Variants in NT5DC2 observed in about 807,000 individuals in gnomAD.
The protein encoded by NT5DC2 is 5'-nucleotidase domain-containing protein 2.
A neutral mutation model predicts 70.0 loss-of-function variants in NT5DC2; 41 were observed. That is an observed-to-expected ratio of 0.59 (90% CI 0.46 to 0.76). The LOEUF is 0.76. NT5DC2 is among the 30% of genes least tolerant of loss of function. The pLI is 0.00. For synonymous variants in NT5DC2, 299 were observed against 310.4 expected, an observed-to-expected ratio of 0.96 and a Z score of 0.39; for missense variants, 705 against 783.2, an observed-to-expected ratio of 0.90 and a Z score of 1.19.
At position 52,528,501 on chromosome 3, in the gene NT5DC2, A is replaced by G. The variant is rs779786736; in HGVS notation, c.587T>C (p.Leu196Pro). The change falls in exon 5 of 14, where the codon CTG (leucine) becomes CCG (proline). Residue 196 changes from leucine to proline, a missense_variant. Physicochemically the swap from Leu to Pro is moderately conservative, Grantham distance 98. Transcript: ENST00000422318. ...QPVPDEEVIE[L>P]YGGTQHIPLY... ...TGGGATGTGCTGGGTACCCCCATAC[A>G]GCTCAATCACCTCCTCGTCTGGCAC... 1.1e-5 allele frequency: 18 copies of G among 1,613,232 alleles called. No homozygotes were observed. Among genetic ancestry groups the G allele is most frequent in the Non-Finnish European group, 1.5e-5 (18 of 1,179,966 alleles).
At position 52,527,634 on chromosome 3, in the gene NT5DC2, G is replaced by A; in HGVS notation, c.1020C>T (p.Phe340=). The change falls in exon 9 of 14, where the codon TTC becomes TTT. Residue 340 remains phenylalanine, a synonymous_variant. Coordinates refer to ENST00000422318, the MANE Select transcript of NT5DC2 (RefSeq NM_001134231.2). Reference sequence around the variant, plus strand: ...GCCCATACTTGCGCCGGTCAGTGAAGAAGCTGGGCTTGTCTGCCTGGACAA... The same window carrying A: ...GCCCATACTTGCGCCGGTCAGTGAAAAAGCTGGGCTTGTCTGCCTGGACAA... ...VVIVQADKPS[F]FTDRRKPFRK... The A allele has an allele frequency of 6.2e-7, 1 of 1,613,052 alleles. No individual in the cohort carries two copies. Among genetic ancestry groups the A allele is most frequent in the South Asian group, 1.1e-5 (1 of 91,078 alleles).
In NT5DC2 at chr3:52,524,434, G is replaced by C. The variant is rs1039223621; in HGVS notation, c.*36C>G. 6.2e-7 allele frequency: 1 copy of C among 1,611,996 alleles called. No homozygotes were observed. Among genetic ancestry groups the C allele is most frequent in the Non-Finnish European group, 8.5e-7 (1 of 1,179,264 alleles). ...GCTTGTCTGGGTGGATGGGGCAGGA[G>C]GGGCTGAGGGCCTGTCCCAGACAAT... On this transcript the variant is annotated 3_prime_UTR_variant, in exon 14 of 14. Transcript: ENST00000422318.
At chr3:52,534,518 A>G (rs143685847), upstream of NT5DC2, 948 of 1,612,954 alleles carry the variant, frequency 5.9e-4, 5 homozygotes, top group African/African-American at 0.011. Flanking sequence ...GACCTCGGCA[A>G]CTGGCCGCAC....
chr3:52,529,442 C>T lies in NT5DC2; in HGVS notation c.233-108G>A. ...CTAGCCCTGTGAGCCTCAGAAACGC[C>T]CCACAATGGCACCTCTTATTCCAGT... On this transcript the variant is annotated intron_variant, in intron 1 of 13. Transcript: ENST00000422318. The surrounding 1 kb of genome is among the most constrained non-coding windows in gnomAD (Gnocchi z 4.1). 2.0e-6 allele frequency: 2 copies of T among 996,520 alleles called. No homozygotes were observed. Among genetic ancestry groups the T allele is most frequent in the Middle Eastern group, 2.9e-4 (1 of 3,478 alleles). The allele number at this position is 996,520 out of a possible 1,614,324, so 61.7% of individuals were successfully genotyped here. A position where few individuals can be genotyped will look rare whatever the true frequency, so the allele number is the denominator to read the frequency against.
At position 52,528,308 on chromosome 3, in the gene NT5DC2, G is replaced by C. The variant is rs1331117160; in HGVS notation, c.646C>G (p.Pro216Ala). ...YQMSGFYGKG[P>A]SIKQFMDIFS... is the part of the protein sequence containing the mutation. ...ATGTCCATGAACTGCTTAATGGAGG[G>C]ACCCTGGGGAGGGGGCCATTGTCTC... is the stretch of plus-strand genomic sequence containing the variant. Residue 216 changes from proline to alanine, a missense_variant, in exon 6 of 14, where the codon CCC (proline) becomes GCC (alanine). Pro to Ala is a conservative substitution (Grantham distance 27). Coordinates refer to ENST00000422318, the MANE Select transcript of NT5DC2 (RefSeq NM_001134231.2). The C allele has an allele frequency of 1.2e-6, 2 of 1,613,096 alleles. No homozygotes were observed. The highest frequency in any genetic ancestry group is 1.7e-6 in the Non-Finnish European group (2 of 1,180,042).
intron 1 of NT5DC2, chr3:52,532,254 G>A (rs1435775703): frequency 3.0e-6 from 3 of 985,462 alleles, no homozygotes; most frequent in South Asian, 9.4e-5. Flanking sequence ...AGGCCCAGGA[G>A]GACAATGTCC....
Position 52,528,017 on chromosome 3 carries a change from G to A in NT5DC2, c.828C>T (p.Asp276=). The change falls in exon 7 of 14, where the codon GAC becomes GAT. Residue 276 remains aspartate, a synonymous_variant. Transcript: ENST00000422318. ...AGGGCTTCTGTCCACACTTACCCAT[G>A]TCCTGCTCGATCCACTGGTACATGA... ...KGLMYQWIEQ[D]MEKYILRGDE... The A allele has an allele frequency of 6.2e-7, 1 of 1,612,258 alleles. No homozygotes were observed. Among genetic ancestry groups the A allele is most frequent in the Non-Finnish European group, 8.5e-7 (1 of 1,179,546 alleles).
In NT5DC2 at chr3:52,531,996, T is replaced by G. The variant is rs1257007610; in HGVS notation, c.232+1510A>C. 6.6e-6 allele frequency among the ~76,000 whole-genome samples: 1 copy of G among 151,984 alleles called. No homozygotes were observed. Among genetic ancestry groups the G allele is most frequent in the Non-Finnish European group, 1.5e-5 (1 of 67,988 alleles). ...ACCATTCAAGTCACCCCACCTGCAT[T>G]AATCACTCTGCCTCTCAGCCTAGCC... is the stretch of plus-strand genomic sequence containing the variant. On this transcript the variant is annotated intron_variant, in intron 1 of 13. Coordinates refer to ENST00000422318, the MANE Select transcript of NT5DC2 (RefSeq NM_001134231.2). This position sits in a 1 kb window ranked among gnomAD's most constrained non-coding sequence, Gnocchi z 4.1.
rs911992465 is a variant in NT5DC2 at position 52,531,209 on chromosome 3, G to A, written c.233-1875C>T. Among the ~76,000 whole-genome samples the A allele has an allele frequency of 3.3e-5, 5 of 152,232 alleles. No homozygotes were observed. Among genetic ancestry groups the A allele is most frequent in the African/African-American group, 9.6e-5 (4 of 41,460 alleles). On this transcript the variant is annotated intron_variant, in intron 1 of 13. Coordinates refer to ENST00000422318, the MANE Select transcript of NT5DC2 (RefSeq NM_001134231.2). This position sits in a 1 kb window ranked among gnomAD's most constrained non-coding sequence, Gnocchi z 4.1. ...GTGGGTGGGGGATCAGGTGTGGCTG[G>A]TTCCCCAGGCCAGCACAGAGCGGCT...
chr3:52,525,158 G>A (rs746525536), intron 11 of NT5DC2, 51 bp downstream of exon 11: 3 of 1,482,018 alleles, frequency 2.0e-6, no homozygotes, highest in Admixed American at 1.8e-5. Context: ...GGGCGGGGGG[G>A]GGGGGGTTTC....
chr3:52,532,096 C>G lies in NT5DC2; in HGVS notation c.232+1410G>C, dbSNP rs553728621. 17 of 780,056 alleles carry G rather than the reference C, an allele frequency of 2.2e-5. No individual in the cohort carries two copies. In the East Asian group the frequency reaches 3.8e-4, roughly 18 times the overall value. 48.3% of individuals were successfully genotyped at this position (780,056 alleles called of 1,614,324 possible). ...GGGACCTGTTGCACTGCTCTCAGCC[C>G]GTGGGCATTAGCCCAAAGCGGACCT... is the stretch of plus-strand genomic sequence containing the variant. On this transcript the variant is annotated intron_variant, in intron 1 of 13. Coordinates refer to ENST00000422318, the MANE Select transcript of NT5DC2 (RefSeq NM_001134231.2).
At chr3:52,534,850 A>G (rs1015668759), upstream of NT5DC2, 8 of 628,740 alleles carry the variant, frequency 1.3e-5, no homozygotes, top group African/African-American at 1.3e-4. Context: ...GAAGACCTAC[A>G]GTGTGGCAGT....
At chr3:52,532,576 C>T in intron 1 of NT5DC2, 1 of 915,358 alleles carries the variant, frequency 1.1e-6, no homozygotes, top group Non-Finnish European at 1.3e-6. Context: ...TATCAGACAA[C>T]AAAAGCCACG....
chr3:52,533,254 C>T, intron 1 of NT5DC2, among the ~76,000 whole-genome samples: 1 of 152,172 alleles, frequency 6.6e-6, no homozygotes, highest in Non-Finnish European at 1.5e-5. Flanking sequence ...GGCAGCCGCT[C>T]GAGGAGCCCC....
chr3:52,527,433 A>ACCCCCAT, intron 9 of NT5DC2, 58 bp from the exon 10 acceptor site: 1 of 1,576,036 alleles, frequency 6.3e-7, no homozygotes, highest in Admixed American at 1.7e-5. Flanking sequence ...GGGCCGGGCA[A>ACCCCCAT]CCCCCATCCC....
At chr3:52,534,148 G>T (rs1184138706), upstream of NT5DC2, 2 of 297,146 alleles carry the variant, frequency 6.7e-6, no homozygotes, top group Non-Finnish European at 1.3e-5. Context: ...GAGCGCGACG[G>T]GTACCCCCCG....
chr3:52,524,702 T>C lies in NT5DC2; in HGVS notation c.1442A>G (p.Gln481Arg). ...GAAGGTGCGGAAGATGCTGCCGAAC[T>C]GCGCATTGAACAGGGCCTTGGTGAT... Reference protein sequence around the residue: ...RCITKALFNAQFGSIFRTFHN... With the variant: ...RCITKALFNARFGSIFRTFHN... Residue 481 changes from glutamine to arginine, a missense_variant, in exon 14 of 14, where the codon CAG becomes CGG. Gln to Arg is a conservative substitution (Grantham distance 43). Transcript: ENST00000422318. 1 of 1,612,766 alleles carries C rather than the reference T, an allele frequency of 6.2e-7. No homozygotes were observed. Among genetic ancestry groups the C allele is most frequent in the Non-Finnish European group, 8.5e-7 (1 of 1,180,014 alleles).
chr3:52,532,567 A>G (rs370296968), intron 1 of NT5DC2: 1 of 955,436 alleles, frequency 1.0e-6, no homozygotes, highest in Non-Finnish European at 1.2e-6. Flanking sequence ...ACTTTGTTTT[A>G]TCAGACAACA....
chr3:52,527,617 T>C lies in NT5DC2; in HGVS notation c.1037A>G (p.Lys346Arg). 6.2e-7 allele frequency: 1 copy of C among 1,612,862 alleles called. No homozygotes were observed. Among genetic ancestry groups the C allele is most frequent in the Non-Finnish European group, 8.5e-7 (1 of 1,179,938 alleles). The part of the protein sequence containing the change: ...DKPSFFTDRR[K>R]PFRKLDEKGS... ...CCTGCAACCCCCACCATGCCCATAC[T>C]TGCGCCGGTCAGTGAAGAAGCTGGG... is the stretch of plus-strand genomic sequence containing the variant. The change falls in exon 9 of 14, where the codon AAG (lysine) becomes AGG (arginine). Residue 346 changes from lysine to arginine, a missense_variant and splice_region_variant. Lys to Arg is a conservative substitution (Grantham distance 26, BLOSUM62 2). Coordinates refer to ENST00000422318, the MANE Select transcript of NT5DC2 (RefSeq NM_001134231.2).
Sources: gnomAD v4.1 joint callset for allele counts (sites outside exome capture counted in the v4.1 genomes callset) on GRCh38, gnomAD v4.1.1 for gene constraint, Gnocchi (gnomAD v3.1) non-coding constraint, MANE v1.5 for transcripts, NCBI Gene and HGNC (gene_info 2026-07-23, HGNC 2026-07-21) for gene names.